Variants in PPP1R21 observed in about 807,000 individuals in gnomAD.
PPP1R21 encodes KLRAQ motif containing 1.
A neutral mutation model predicts 112.8 loss-of-function variants in PPP1R21; 85 were observed. That is an observed-to-expected ratio of 0.75 (90% CI 0.63 to 0.90). The LOEUF is 0.90. Among genes scored for constraint, PPP1R21 ranks in the 40% least tolerant of loss-of-function variants. The pLI, the probability that PPP1R21 is intolerant of heterozygous loss-of-function variation, is 0.00. For missense variants in PPP1R21, 1,199 were observed against 901.5 expected (o/e 1.33, Z -4.23); for synonymous variants, 381 against 322.3 (o/e 1.18, Z -1.95).
rs780534548 is a variant in PPP1R21 at position 48,491,022 on chromosome 2, C to A, written c.1451C>A (p.Ala484Glu). 1.2e-6 allele frequency: 2 copies of A among 1,613,358 alleles called. No homozygotes were observed. Among genetic ancestry groups the A allele is most frequent in the Non-Finnish European group, 1.7e-6 (2 of 1,179,454 alleles). ...VALTNGAGKI[A>E]SFFSNNLDYF... ...TCCTTGTCATACTTTGTTTAGATTG[C>A]ATCCTTCTTCAGCAACAATTTGGAC... The change falls in exon 15 of 22, where the codon GCA becomes GAA. Residue 484 changes from alanine (A) to glutamate (E), a missense_variant. Coordinates refer to ENST00000294952, the MANE Select transcript of PPP1R21 (RefSeq NM_001135629.3).
chr2:48,471,173 T>C lies in PPP1R21; in HGVS notation c.984T>C (p.Asp328=), dbSNP rs767121166. 1.9e-6 allele frequency: 3 copies of C among 1,612,054 alleles called. No homozygotes were observed. The Admixed American group carries it at 5.0e-5, about 27-fold the overall frequency. ...ATTTATTTGAAAGTATCACTGAGGA[T>C]ACTGTGACTGTCTTGGTAATTTTCT... ...MLHLFESITE[D]TVTVLETTVK... Residue 328 remains aspartate, a synonymous_variant, in exon 10 of 22, where the codon GAT becomes GAC. Coordinates refer to ENST00000294952, the MANE Select transcript of PPP1R21 (RefSeq NM_001135629.3).
At chr2:48,471,483 CAGTTAAT>C in intron 11 of PPP1R21, 116 bp downstream of exon 11, 1 of 1,044,966 alleles carries the variant, frequency 9.6e-7, no homozygotes, top group Non-Finnish European at 1.4e-6. Flanking sequence ...TTCTGCTTCA[CAGTTAAT>C]TTGGACTTCC....
chr2:48,465,670 T>G, intron 9 of PPP1R21, 28 bp downstream of exon 9: 1 of 1,603,638 alleles, frequency 6.2e-7, no homozygotes, highest in Non-Finnish European at 8.5e-7. Flanking sequence ...TACATTTTGT[T>G]TGCCCTGAAC....
rs1205442060 is a variant in PPP1R21 at position 48,454,756 on chromosome 2, A to T, written c.273+15A>T. 2.5e-6 allele frequency: 4 copies of T among 1,607,474 alleles called. No individual in the cohort carries two copies. Among genetic ancestry groups the T allele is most frequent in the Non-Finnish European group, 3.4e-6 (4 of 1,173,900 alleles). On this transcript the variant is annotated intron_variant, in intron 3 of 21. Transcript: ENST00000294952. ...AGAAAAACAAGGTAGGTTCAAATAC[A>T]GGCAAGTTAGTGTGACCTTGTCGTT...
At chr2:48,484,833 T>A (rs565232113) in intron 13 of PPP1R21, among the ~76,000 whole-genome samples, 82 of 152,318 alleles carry the variant, frequency 5.4e-4, no homozygotes, top group African/African-American at 1.9e-3. Context: ...ACATTTTGAT[T>A]GTGAGAATGA....
In PPP1R21 at chr2:48,491,005, A is replaced by G. The variant is rs764247187; in HGVS notation, c.1447-13A>G. ...GGAAAACAAAATCTATTTCCTTGTC[A>G]TACTTTGTTTAGATTGCATCCTTCT... On this transcript the variant is annotated splice_polypyrimidine_tract_variant and intron_variant, in intron 14 of 21. Transcript: ENST00000294952. The G allele has an allele frequency of 3.9e-5, 63 of 1,611,502 alleles. No individual in the cohort carries two copies. In the Middle Eastern group the frequency reaches 6.6e-4, roughly 17 times the overall value.
chr2:48,459,624 C>T (rs762045310), intron 4 of PPP1R21, 130 bp from the exon 5 acceptor site: 3 of 910,332 alleles, frequency 3.3e-6, no homozygotes, highest in Admixed American at 3.0e-5. Context: ...GAGATAATGC[C>T]TGTGTGGGTT....
intron 1 of PPP1R21, among the ~76,000 whole-genome samples, chr2:48,448,631 A>C (rs1385516915): frequency 6.8e-6 from 1 of 147,688 alleles, no homozygotes; most frequent in South Asian, 2.2e-4. Flanking sequence ...CTAAAGACTG[A>C]AGCAGTATTG....
chr2:48,446,837 G>C (rs1052628264), intron 1 of PPP1R21, among the ~76,000 whole-genome samples: 1 of 152,066 alleles, frequency 6.6e-6, no homozygotes, highest in Non-Finnish European at 1.5e-5. Flanking sequence ...ACCTCCGTCC[G>C]TCTCCTGGGT....
At chr2:48,481,369 T>C (rs1417217731) in intron 13 of PPP1R21, among the ~76,000 whole-genome samples, 2 of 152,266 alleles carry the variant, frequency 1.3e-5, no homozygotes, top group Non-Finnish European at 2.9e-5. Flanking sequence ...ATAGGCAGTA[T>C]GGGTGGCAGT....
intron 2 of PPP1R21, 23 bp downstream of exon 2, chr2:48,451,099 T>A: frequency 6.3e-7 from 1 of 1,598,404 alleles, no homozygotes; most frequent in Non-Finnish European, 8.6e-7. Context: ...ATATTTGTGT[T>A]GTGAGGGTTA....
intron 14 of PPP1R21, among the ~76,000 whole-genome samples, chr2:48,488,059 G>T (rs1222160299): frequency 1.3e-5 from 2 of 152,112 alleles, no homozygotes; most frequent in Admixed American, 1.3e-4. Context: ...CAAGTGATTT[G>T]CAGTAGTCAG....
At chr2:48,489,727 T>C (rs1572877998) in intron 14 of PPP1R21, among the ~76,000 whole-genome samples, 2 of 151,898 alleles carry the variant, frequency 1.3e-5, no homozygotes, top group Non-Finnish European at 2.9e-5. Flanking sequence ...CTGGCCAACA[T>C]GTTGAAACCC....
intron 12 of PPP1R21, among the ~76,000 whole-genome samples, chr2:48,479,231 A>T (rs1668894760): frequency 6.6e-6 from 1 of 152,240 alleles, no homozygotes; most frequent in Non-Finnish European, 1.5e-5. Context: ...AGCTGGGAGC[A>T]AGAGGAGAAA....
intron 17 of PPP1R21, among the ~76,000 whole-genome samples, chr2:48,504,607 C>T (rs948241637): frequency 1.3e-5 from 2 of 152,142 alleles, no homozygotes; most frequent in African/African-American, 2.4e-5. Context: ...CACCATTGCA[C>T]TCCAGCCTGG....
At chr2:48,476,966 TTTG>T (rs758186653) in intron 12 of PPP1R21, among the ~76,000 whole-genome samples, 29 of 152,012 alleles carry the variant, frequency 1.9e-4, no homozygotes, top group Middle Eastern at 3.2e-3. Flanking sequence ...GTTTCCCATT[TTTG>T]TTGTTGTTGT....
intron 4 of PPP1R21, among the ~76,000 whole-genome samples, chr2:48,459,393 A>G (rs551808460): frequency 4.6e-5 from 7 of 152,228 alleles, no homozygotes; most frequent in South Asian, 2.1e-4. Context: ...ACTCTGATCA[A>G]TTGAATTCTA....
intron 2 of PPP1R21, among the ~76,000 whole-genome samples, chr2:48,452,276 C>T (rs570979239): frequency 2.6e-5 from 4 of 152,072 alleles, no homozygotes; most frequent in Non-Finnish European, 5.9e-5. Flanking sequence ...CAGTGGTAGG[C>T]GTGGTGACAG....
chr2:48,479,336 G>C (rs2103887562), intron 12 of PPP1R21: 3 of 375,086 alleles, frequency 8.0e-6, no homozygotes, highest in South Asian at 6.1e-5. Flanking sequence ...CTGTGGGAGG[G>C]AGGTAGTGAT....
Sources: gnomAD v4.1 joint callset for allele counts (sites outside exome capture counted in the v4.1 genomes callset) on GRCh38, gnomAD v4.1.1 for gene constraint, MANE v1.5 for transcripts, NCBI Gene and HGNC (gene_info 2026-07-23, HGNC 2026-07-21) for gene names.